Variants in NRSN1 observed in about 807,000 individuals in gnomAD.
NRSN1 encodes the protein neurensin-1.
In NRSN1, 14 loss-of-function variants were observed where a neutral mutation model predicts 17.3. The observed-to-expected ratio is 0.81, with a 90% CI of 0.54 to 1.27. The LOEUF (loss-of-function observed/expected upper bound fraction) is 1.27, where lower values mean the gene tolerates loss of function less well. NRSN1 is among the 50% of genes most tolerant of loss of function. The pLI is 0.00. For missense variants in NRSN1, 209 were observed against 235.9 expected, an observed-to-expected ratio of 0.89 and a Z score of 0.75; for synonymous variants, 79 against 94.2, an observed-to-expected ratio of 0.84 and a Z score of 0.93.
At chr6:24,133,256 A>G (rs1056647801) in intron 2 of NRSN1, among the ~76,000 whole-genome samples, 1 of 152,238 alleles carries the variant, frequency 6.6e-6, no homozygotes, top group Non-Finnish European at 1.5e-5. Context: ...CACTCTCCAC[A>G]TTATACTCTA....
intron 2 of NRSN1, among the ~76,000 whole-genome samples, 191 bp downstream of exon 2, chr6:24,128,391 T>C (rs1759982111): frequency 1.3e-5 from 2 of 152,244 alleles, no homozygotes; most frequent in South Asian, 4.1e-4. Flanking sequence ...TTGTTACTCC[T>C]TTTTAAAAAT....
chr6:24,147,349 C>T lies in NRSN1; in HGVS notation c.*1403C>T, dbSNP rs553116811. The T allele has an allele frequency of 2.0e-5, 3 of 150,148 alleles. No homozygotes were observed. Among genetic ancestry groups the T allele is most frequent in the African/African-American group, 7.3e-5 (3 of 41,194 alleles). 9.3% of individuals were successfully genotyped at this position (150,148 alleles called of 1,614,324 possible). On this transcript the variant is annotated 3_prime_UTR_variant, in exon 4 of 4. Coordinates refer to ENST00000378491, the MANE Select transcript of NRSN1 (RefSeq NM_080723.5). ...CTTAAAATTGTGCCACCTTAGAGCC[C>T]CCCCCCTTTTTTTTTTCTTCCTTCA...
chr6:24,132,664 T>G (rs889472520), intron 2 of NRSN1, among the ~76,000 whole-genome samples: 13 of 152,194 alleles, frequency 8.5e-5, no homozygotes, highest in African/African-American at 3.1e-4. Flanking sequence ...AATTTTATAT[T>G]TCTTTTATTA....
At position 24,145,495 on chromosome 6, in the gene NRSN1, G is replaced by C; in HGVS notation, c.190-53G>C. The C allele has an allele frequency of 7.0e-7, 1 of 1,435,846 alleles. No homozygotes were observed. Among genetic ancestry groups the C allele is most frequent in the Non-Finnish European group, 9.4e-7 (1 of 1,067,344 alleles). The allele number at this position is 1,435,846 out of a possible 1,614,324, so 88.9% of individuals were successfully genotyped here. On this transcript the variant is annotated intron_variant, in intron 3 of 3. Coordinates refer to ENST00000378491, the MANE Select transcript of NRSN1 (RefSeq NM_080723.5). This position sits in a 1 kb window ranked among gnomAD's most constrained non-coding sequence, Gnocchi z 4.4. ...GTGCTGCCCTTGAGGGCTCAGGGGCGAGCCGAAGCACCTTCCTCACTCTAT... is the reference window on the plus strand; with the variant it reads ...GTGCTGCCCTTGAGGGCTCAGGGGCCAGCCGAAGCACCTTCCTCACTCTAT...
chr6:24,128,512 T>A (rs904833180), intron 2 of NRSN1, among the ~76,000 whole-genome samples: 1 of 152,200 alleles, frequency 6.6e-6, no homozygotes, highest in Non-Finnish European at 1.5e-5. Context: ...AAATAATCCA[T>A]TGGTAGGAAC....
At chr6:24,133,187 A>T (rs2113712669) in intron 2 of NRSN1, among the ~76,000 whole-genome samples, 1 of 152,352 alleles carries the variant, frequency 6.6e-6, no homozygotes, top group Middle Eastern at 3.4e-3. Flanking sequence ...TTTATTTAAC[A>T]GTTCTCTGAG....
chr6:24,137,296 A>G (rs576483103), intron 3 of NRSN1, among the ~76,000 whole-genome samples: 21 of 152,336 alleles, frequency 1.4e-4, no homozygotes, highest in African/African-American at 3.6e-4. Context: ...TCTGCATAAC[A>G]TCTATTTCAC....
intron 2 of NRSN1, among the ~76,000 whole-genome samples, chr6:24,131,165 A>G (rs1007108137): frequency 6.6e-6 from 1 of 152,214 alleles, no homozygotes; most frequent in Non-Finnish European, 1.5e-5. Context: ...GCTCAAAAAC[A>G]TGTGTTTTAT....
chr6:24,141,606 A>G (rs917435777), intron 3 of NRSN1: 1 of 152,610 alleles, frequency 6.6e-6, no homozygotes, highest in African/African-American at 2.4e-5. Flanking sequence ...AAAGAGGAGA[A>G]TGCTCAGAAA....
intron 3 of NRSN1, chr6:24,141,520 T>C (rs1412085716): frequency 1.3e-5 from 2 of 157,606 alleles, no homozygotes; most frequent in Non-Finnish European, 2.8e-5. Context: ...TCAGAAGCCT[T>C]GAAGTCAGCT....
At chr6:24,130,634 T>C (rs1760014809) in intron 2 of NRSN1, among the ~76,000 whole-genome samples, 1 of 152,152 alleles carries the variant, frequency 6.6e-6, no homozygotes, top group Admixed American at 6.5e-5. Context: ...CTGAAGTAAC[T>C]TGTTAAACAA....
Position 24,140,884 on chromosome 6 carries a change from A to G in NRSN1, c.190-4664A>G, listed in dbSNP as rs1441693039. 4 of 1,294,086 alleles carry G rather than the reference A, an allele frequency of 3.1e-6. No homozygotes were observed. The African/African-American group carries it at 6.1e-5, about 20-fold the overall frequency. 80.2% of individuals were successfully genotyped at this position (1,294,086 alleles called of 1,614,324 possible). A position where few individuals can be genotyped will look rare whatever the true frequency, so the allele number is the denominator to read the frequency against. On this transcript the variant is annotated intron_variant, in intron 3 of 3. Transcript: ENST00000378491. ...CCCACCAGCAGAATTTCTGGCATAT[A>G]AATAAGTTCTCTTTCCTTTCCAATT...
Position 24,145,917 on chromosome 6 carries a change from CA to C in NRSN1, c.563del (p.Asn188MetfsTer19). ...TKIPVTLSRV[Q>X]NVQPLLAT Reference sequence around the variant, plus strand: ...GATTCCAGTCACTTTGTCCAGGGTTCAAAATGTCCAGCCTCTACTGGCAACC... The same window carrying C: ...GATTCCAGTCACTTTGTCCAGGGTTCAAATGTCCAGCCTCTACTGGCAACC... On this transcript the variant is annotated frameshift_variant, in exon 4 of 4. Transcript: ENST00000378491. LOFTEE classifies it high-confidence loss of function. This position sits in a 1 kb window ranked among gnomAD's most constrained non-coding sequence, Gnocchi z 4.4. 6.2e-7 allele frequency: 1 copy of C among 1,612,412 alleles called. No individual in the cohort carries two copies. Among genetic ancestry groups the C allele is most frequent in the South Asian group, 1.1e-5 (1 of 90,830 alleles).
chr6:24,141,287 G>A (rs1760198782), intron 3 of NRSN1: 2 of 1,230,436 alleles, frequency 1.6e-6, no homozygotes, highest in Non-Finnish European at 2.0e-6. Flanking sequence ...TTATGATACT[G>A]TATGGAATTG....
rs780299422 is a variant in NRSN1, at chr6:24,142,819, G to C, written c.190-2729G>C. Among the ~76,000 whole-genome samples, 4 of 152,200 alleles carry C rather than the reference G, an allele frequency of 2.6e-5. No homozygotes were observed. In the South Asian group the frequency reaches 8.3e-4, roughly 32 times the overall value. On this transcript the variant is annotated intron_variant, in intron 3 of 3. Transcript: ENST00000378491. ...GCAGCAGCAAAATATACTGTGAAGAGCGAAAGAACAAAGCTTCCACAGGGT... is the reference window on the plus strand; with the variant it reads ...GCAGCAGCAAAATATACTGTGAAGACCGAAAGAACAAAGCTTCCACAGGGT...
Position 24,134,042 on chromosome 6 carries a change from T to TGTGTG in NRSN1, c.-9-277_-9-276insGTGTG, listed in dbSNP as rs1554140179. ...TGTGTGTGTGTGTGTGTGTGTGTGT[T>TGTGTG]TTTAGTAGAGACAGGGTTTCACCGT... On this transcript the variant is annotated intron_variant, in intron 2 of 3. Transcript: ENST00000378491. Among the ~76,000 whole-genome samples the TGTGTG allele has an allele frequency of 8.3e-3, 390 of 47,214 alleles. 17 individuals are homozygous for TGTGTG. In the East Asian group the frequency reaches 0.23, roughly 28 times the overall value. The allele number at this position is 47,214 out of a possible 152,430, so 31.0% of individuals were successfully genotyped here.
chr6:24,134,236 A>C (rs1760083666), intron 2 of NRSN1, 83 bp from the exon 3 acceptor site: 2 of 1,060,458 alleles, frequency 1.9e-6, no homozygotes, highest in Non-Finnish European at 2.8e-6. Flanking sequence ...TACATTACTC[A>C]GTCTGGTTCT....
At chr6:24,130,557 A>G (rs1432679492) in intron 2 of NRSN1, among the ~76,000 whole-genome samples, 1 of 152,128 alleles carries the variant, frequency 6.6e-6, no homozygotes, top group African/African-American at 2.4e-5. Flanking sequence ...AGGTAGTTAT[A>G]TGTTTGGGAA....
At chr6:24,144,873 G>T (rs541156020) in intron 3 of NRSN1, among the ~76,000 whole-genome samples, 7 of 151,802 alleles carry the variant, frequency 4.6e-5, no homozygotes, top group Middle Eastern at 3.4e-3. Flanking sequence ...AGGGGACAGA[G>T]TAAGGCCAGC....
Sources: gnomAD v4.1 joint callset for allele counts (sites outside exome capture counted in the v4.1 genomes callset) on GRCh38, gnomAD v4.1.1 for gene constraint, Gnocchi (gnomAD v3.1) non-coding constraint, MANE v1.5 for transcripts, NCBI Gene and HGNC (gene_info 2026-07-23, HGNC 2026-07-21) for gene names.